DAPK1: variants seen among roughly 807,000 people sequenced by gnomAD.
The protein encoded by DAPK1 is death associated protein kinase 1.
In DAPK1, 56 loss-of-function variants were observed where a neutral mutation model predicts 144.9. The ratio of observed to expected loss-of-function variants is 0.39; its 90% CI spans 0.31 to 0.48. The LOEUF is 0.48. Ranked by LOEUF, DAPK1 falls within the 20% of genes least tolerant of loss-of-function variation. DAPK1 has a pLI of 0.95. For synonymous variants in DAPK1, 690 were observed against 749.0 expected (o/e 0.92, Z 1.29); for missense variants, 1,454 against 1,875.4 (o/e 0.78, Z 4.15).
intron 20 of DAPK1, 174 bp downstream of exon 20, chr9:87,681,800 G>A (rs1194934599): frequency 1.6e-6 from 1 of 633,128 alleles, no homozygotes; most frequent in African/African-American, 1.8e-5. Flanking sequence ...TGTGCTGCCT[G>A]TTGTCCAGCA....
At chr9:87,498,304 A>T (rs1442719425) in intron 1 of DAPK1, among the ~76,000 whole-genome samples, 197 bp downstream of exon 1, 1 of 152,130 alleles carries the variant, frequency 6.6e-6, no homozygotes, top group Admixed American at 6.5e-5. Context: ...GGGTGAGAAC[A>T]GGTGGCGCCG....
chr9:87,651,489 A>C, intron 16 of DAPK1, 38 bp from the exon 17 acceptor site: 3 of 1,606,474 alleles, frequency 1.9e-6, no homozygotes, highest in Non-Finnish European at 2.6e-6. Context: ...CACATGCCCA[A>C]GTGAAAAGCT....
intron 2 of DAPK1, among the ~76,000 whole-genome samples, chr9:87,561,128 C>T (rs1473307567): frequency 2.0e-5 from 3 of 152,044 alleles, no homozygotes; most frequent in South Asian, 2.1e-4. Flanking sequence ...ATTAAAATAG[C>T]GGAACCAATA....
chr9:87,669,245 A>G lies in DAPK1; in HGVS notation c.2001+571A>G, dbSNP rs562083737. 7.9e-5 allele frequency among the ~76,000 whole-genome samples: 12 copies of G among 152,102 alleles called. No homozygotes were observed. In the South Asian group the frequency reaches 2.1e-3, roughly 26 times the overall value. Reference sequence around the variant, plus strand: ...AAATTGGAAACACAGATAACCCACGATAATGTCTAGTAAAGGGTCCTACAG... The same window carrying G: ...AAATTGGAAACACAGATAACCCACGGTAATGTCTAGTAAAGGGTCCTACAG... On this transcript the variant is annotated intron_variant, in intron 19 of 25. Transcript: ENST00000408954.
chr9:87,650,672 C>G (rs1830414299), intron 16 of DAPK1, among the ~76,000 whole-genome samples: 1 of 152,204 alleles, frequency 6.6e-6, no homozygotes, highest in Non-Finnish European at 1.5e-5. Flanking sequence ...AATTTAATAT[C>G]TGCCCTTTGT....
chr9:87,702,019 A>G, intron 24 of DAPK1: 1 of 327,968 alleles, frequency 3.0e-6, no homozygotes, highest in South Asian at 2.5e-5. Context: ...TTGAGGCTGC[A>G]TTCCTGAGGC....
At chr9:87,570,825 T>A (rs991574388) in intron 2 of DAPK1, among the ~76,000 whole-genome samples, 1 of 152,138 alleles carries the variant, frequency 6.6e-6, no homozygotes, top group African/African-American at 2.4e-5. Context: ...ACACATAGGG[T>A]GTCGAGTAAG....
intron 2 of DAPK1, among the ~76,000 whole-genome samples, chr9:87,557,319 G>C (rs1826755194): frequency 6.6e-6 from 1 of 152,174 alleles, no homozygotes; most frequent in African/African-American, 2.4e-5. Flanking sequence ...TGTCAGGGGA[G>C]ACCCTTTGTC....
At chr9:87,614,793 CCT>C (rs902369569) in intron 3 of DAPK1, among the ~76,000 whole-genome samples, 1 of 152,174 alleles carries the variant, frequency 6.6e-6, no homozygotes, top group African/African-American at 2.4e-5. Context: ...CAGGCAGCTG[CCT>C]CTCTCCACCC....
At chr9:87,523,180 C>G (rs1337809204) in intron 2 of DAPK1, among the ~76,000 whole-genome samples, 1 of 152,174 alleles carries the variant, frequency 6.6e-6, no homozygotes, top group East Asian at 1.9e-4. Context: ...TCACCACTAT[C>G]CATCTCCAGA....
intron 2 of DAPK1, among the ~76,000 whole-genome samples, chr9:87,599,370 G>A (rs1828432127): frequency 6.6e-6 from 1 of 152,210 alleles, no homozygotes; most frequent in African/African-American, 2.4e-5. Flanking sequence ...CCTGGTTACA[G>A]TTTCTTCAGT....
At chr9:87,675,848 TACACACACACACACACACACACACACAC>T (rs763359644) in intron 19 of DAPK1, among the ~76,000 whole-genome samples, 2 of 117,346 alleles carry the variant, frequency 1.7e-5, no homozygotes, top group East Asian at 2.7e-4. Context: ...CATTCTACCC[TACACACACACACACACACACACACACAC>T]ACACACACAC....
At chr9:87,619,759 G>A (rs951975337) in intron 3 of DAPK1, among the ~76,000 whole-genome samples, 2 of 152,162 alleles carry the variant, frequency 1.3e-5, no homozygotes, top group Admixed American at 6.5e-5. Flanking sequence ...TTATATGGCC[G>A]GCATTGTTAT....
Position 87,707,496 on chromosome 9 carries a change from T to C in DAPK1, c.*132T>C. 1 of 636,682 alleles carries C rather than the reference T, an allele frequency of 1.6e-6. No individual in the cohort carries two copies. The highest frequency in any genetic ancestry group is 2.7e-5 in the East Asian group (1 of 36,564). 39.4% of individuals were successfully genotyped at this position (636,682 alleles called of 1,614,324 possible). ...CAGCCAGGGGGATGCCACTCCTCCC[T>C]CCGGCTTGACCTGTTTCTCTGCCGC... On this transcript the variant is annotated 3_prime_UTR_variant, in exon 26 of 26. Transcript: ENST00000408954. The surrounding 1 kb of genome is among the most constrained non-coding windows in gnomAD (Gnocchi z 4.0).
At chr9:87,645,802 CT>C in intron 11 of DAPK1, 92 bp from the exon 12 acceptor site, 1 of 1,497,838 alleles carries the variant, frequency 6.7e-7, no homozygotes, top group Non-Finnish European at 9.1e-7. Context: ...CTGAATGCCC[CT>C]GTTAACAAGT....
At chr9:87,559,510 A>G (rs1369329448) in intron 2 of DAPK1, among the ~76,000 whole-genome samples, 2 of 152,208 alleles carry the variant, frequency 1.3e-5, no homozygotes, top group Non-Finnish European at 2.9e-5. Flanking sequence ...AATTTTAGTT[A>G]AATTTCACTA....
chr9:87,670,608 G>A (rs1360627363), intron 19 of DAPK1, among the ~76,000 whole-genome samples: 1 of 152,090 alleles, frequency 6.6e-6, no homozygotes, highest in Non-Finnish European at 1.5e-5. Context: ...CACCTGGCTT[G>A]CATCCCTGAG....
intron 3 of DAPK1, among the ~76,000 whole-genome samples, chr9:87,637,078 CTT>C (rs894492014): frequency 1.3e-5 from 2 of 151,632 alleles, no homozygotes; most frequent in Non-Finnish European, 2.9e-5. Flanking sequence ...ATACATTTTG[CTT>C]TTTTTGTAAA....
At chr9:87,580,050 A>G (rs1375544436) in intron 2 of DAPK1, among the ~76,000 whole-genome samples, 1 of 152,130 alleles carries the variant, frequency 6.6e-6, no homozygotes, top group Admixed American at 6.5e-5. Flanking sequence ...CTGTATGAAA[A>G]ACAGTCCATG....
Sources: allele counts gnomAD v4.1 joint callset (sites outside exome capture counted in the v4.1 genomes callset), GRCh38; gene constraint gnomAD v4.1.1; non-coding constraint Gnocchi (gnomAD v3.1); transcripts MANE v1.5; gene names NCBI Gene and HGNC (gene_info 2026-07-23, HGNC 2026-07-21).